THSD4: variants seen among roughly 807,000 people sequenced by gnomAD.
The protein encoded by THSD4 is thrombospondin type 1 domain containing 4.
In THSD4, 69 loss-of-function variants were observed where a neutral mutation model predicts 119.0. The ratio of observed to expected loss-of-function variants is 0.58; its 90% CI spans 0.48 to 0.71. The LOEUF (loss-of-function observed/expected upper bound fraction) is 0.71, where lower values mean the gene tolerates loss of function less well. THSD4 is among the 30% of genes least tolerant of loss of function. The pLI is 0.00. For missense variants in THSD4, 1,393 were observed against 1,391.1 expected (o/e 1.00, Z -0.02); for synonymous variants, 524 against 540.4 (o/e 0.97, Z 0.42).
intron 6 of THSD4, among the ~76,000 whole-genome samples, chr15:71,270,961 G>A (rs1053754118): frequency 1.3e-5 from 2 of 152,062 alleles, no homozygotes; most frequent in Non-Finnish European, 2.9e-5. Context: ...GTAGCTTGTA[G>A]CAAGGGAGTA....
chr15:71,295,021 G>C (rs940917395), intron 6 of THSD4, among the ~76,000 whole-genome samples: 1 of 152,056 alleles, frequency 6.6e-6, no homozygotes, highest in African/African-American at 2.4e-5. Flanking sequence ...CAAGATTGGG[G>C]TGGGTGAGTG....
intron 6 of THSD4, among the ~76,000 whole-genome samples, chr15:71,274,611 G>A (rs1256770185): frequency 6.6e-6 from 1 of 152,118 alleles, no homozygotes; most frequent in African/African-American, 2.4e-5. Flanking sequence ...AAATGTCTCT[G>A]GGACAGGCCT....
At chr15:71,226,635 C>A (rs1335790374) in intron 4 of THSD4, among the ~76,000 whole-genome samples, 1 of 152,204 alleles carries the variant, frequency 6.6e-6, no homozygotes, top group Non-Finnish European at 1.5e-5. Flanking sequence ...GCCCCTAGAG[C>A]TGACTGGGCC....
At chr15:71,141,385 G>A (rs572797653) in intron 1 of THSD4, 64 bp from the exon 2 acceptor site, 229 of 867,386 alleles carry the variant, frequency 2.6e-4, no homozygotes, top group Non-Finnish European at 3.6e-4. Context: ...TTTGTTGACC[G>A]AGTTACGCTT....
chr15:71,716,149 T>C (rs2052603021), intron 8 of THSD4, among the ~76,000 whole-genome samples: 1 of 152,168 alleles, frequency 6.6e-6, no homozygotes, highest in Non-Finnish European at 1.5e-5. Flanking sequence ...CTTCCTTGGC[T>C]TGTGGCTTCC....
rs548908482 is a variant in THSD4 at position 71,600,188 on chromosome 15, C to A, written c.1153-60342C>A. Among the ~76,000 whole-genome samples the A allele has an allele frequency of 2.6e-5, 4 of 152,272 alleles. No homozygotes were observed. The South Asian group carries it at 8.3e-4, about 32-fold the overall frequency. On this transcript the variant is annotated intron_variant, in intron 7 of 17. Transcript: ENST00000261862. Reference sequence around the variant, plus strand: ...GGATTAGTGTTCTGTGCAAGACTTACTCACTCAGAAAGCTCTGTATTTCAA... The same window carrying A: ...GGATTAGTGTTCTGTGCAAGACTTAATCACTCAGAAAGCTCTGTATTTCAA...
At chr15:71,735,828 TGCTCTCTGTCTCTTTC>T (rs1370056671) in intron 10 of THSD4, among the ~76,000 whole-genome samples, 15 of 142,854 alleles carry the variant, frequency 1.1e-4, no homozygotes, top group Admixed American at 8.3e-4. Context: ...CTGTCTCTCT[TGCTCTCTGTCTCTTTC>T]GCTCTCTGTC....
chr15:71,348,971 ATC>A (rs1242847177), intron 6 of THSD4, among the ~76,000 whole-genome samples: 1 of 152,140 alleles, frequency 6.6e-6, no homozygotes, highest in East Asian at 1.9e-4. Flanking sequence ...TTGTATTGTA[ATC>A]TCTATAGTAA....
chr15:71,224,757 C>G (rs1442673231), intron 4 of THSD4, among the ~76,000 whole-genome samples: 1 of 152,168 alleles, frequency 6.6e-6, no homozygotes, highest in Admixed American at 6.5e-5. Flanking sequence ...CTCCTCCCAT[C>G]ACTCTAATCT....
Position 71,366,094 on chromosome 15 carries a change from G to T in THSD4, c.1016-45593G>T, listed in dbSNP as rs141979495. 2.4e-3 allele frequency among the ~76,000 whole-genome samples: 362 copies of T among 152,118 alleles called. 4 individuals carry two copies. Among genetic ancestry groups the T allele is most frequent in the African/African-American group, 8.2e-3 (339 of 41,496 alleles). ...TTTGTTTTGTTTTTGGTTTTGTTTA[G>T]ATGGAGTCTCACTCTGTTGCCCAGG... On this transcript the variant is annotated intron_variant, in intron 6 of 17. Transcript: ENST00000261862.
intron 6 of THSD4, among the ~76,000 whole-genome samples, chr15:71,349,760 G>A (rs1204665215): frequency 6.6e-6 from 1 of 152,156 alleles, no homozygotes; most frequent in Non-Finnish European, 1.5e-5. Flanking sequence ...GGATGAGGCT[G>A]CATGTGCTTA....
At chr15:71,208,602 C>G (rs146596915) in intron 3 of THSD4, among the ~76,000 whole-genome samples, 508 of 152,034 alleles carry the variant, frequency 3.3e-3, no homozygotes, top group African/African-American at 0.012. Flanking sequence ...GTCTCTGCCC[C>G]CTGGGCTCAA....
At chr15:71,176,249 C>T (rs1442181736) in intron 3 of THSD4, among the ~76,000 whole-genome samples, 3 of 55,194 alleles carry the variant, frequency 5.4e-5, no homozygotes, top group East Asian at 5.3e-4. Context: ...ACCCATCTCA[C>T]GTGCAGAGAC....
chr15:71,514,121 C>T (rs919345337), intron 7 of THSD4, among the ~76,000 whole-genome samples: 1 of 152,186 alleles, frequency 6.6e-6, no homozygotes, highest in African/African-American at 2.4e-5. Flanking sequence ...AGGGCTAGGG[C>T]CCCACTGGCT....
chr15:71,435,564 C>T (rs4517744), intron 7 of THSD4, among the ~76,000 whole-genome samples: 84,736 of 152,054 alleles, frequency 0.56, 23,832 homozygotes, highest in Middle Eastern at 0.64. Context: ...GGTAACTTTC[C>T]GGGTTTAGAA....
chr15:71,219,253 C>T (rs968745916), intron 4 of THSD4, among the ~76,000 whole-genome samples: 3 of 152,174 alleles, frequency 2.0e-5, no homozygotes, highest in Non-Finnish European at 4.4e-5. Flanking sequence ...AAACCAGCAT[C>T]GGAATCTCTA....
upstream of THSD4, among the ~76,000 whole-genome samples, chr15:71,113,980 G>C (rs1263528450): frequency 6.6e-6 from 1 of 151,826 alleles, no homozygotes; most frequent in African/African-American, 2.4e-5. Flanking sequence ...TACTAGAGCT[G>C]TTAGATCGAC....
At chr15:71,355,694 G>T (rs2045800603) in intron 6 of THSD4, among the ~76,000 whole-genome samples, 1 of 152,108 alleles carries the variant, frequency 6.6e-6, no homozygotes, top group Non-Finnish European at 1.5e-5. Context: ...AGTCAGGCTG[G>T]GTCTGTGGAG....
At chr15:71,382,451 T>G (rs1359396060) in intron 6 of THSD4, among the ~76,000 whole-genome samples, 1 of 152,178 alleles carries the variant, frequency 6.6e-6, no homozygotes, top group Non-Finnish European at 1.5e-5. Context: ...ACATATAAAA[T>G]TCCTTTTATA....
Sources: gnomAD v4.1 joint callset for allele counts (sites outside exome capture counted in the v4.1 genomes callset) on GRCh38, gnomAD v4.1.1 for gene constraint, MANE v1.5 for transcripts, NCBI Gene and HGNC (gene_info 2026-07-23, HGNC 2026-07-21) for gene names.